The following ARVCF variants were observed in gnomAD, a reference collection of about 807,000 sequenced individuals.
ARVCF encodes splicing regulator ARVCF.
Under a neutral mutation model 90.9 loss-of-function variants are expected in ARVCF, and 66 were observed. That is an observed-to-expected ratio of 0.73 (90% CI 0.60 to 0.89). The LOEUF (loss-of-function observed/expected upper bound fraction) is 0.89. Ranked by LOEUF, ARVCF falls within the 40% of genes least tolerant of loss-of-function variation. ARVCF has a pLI of 0.00. For missense variants in ARVCF, 1,469 were observed against 1,382.3 expected (o/e 1.06, Z -1.00); for synonymous variants, 653 against 603.4 (o/e 1.08, Z -1.21).
At chr22:20,003,226 T>G (rs1471804303) in intron 2 of ARVCF, among the ~76,000 whole-genome samples, 5 of 152,088 alleles carry the variant, frequency 3.3e-5, no homozygotes, top group African/African-American at 4.8e-5. Context: ...CAAAACTGAA[T>G]CAGTAATCAA....
At position 19,970,619 on chromosome 22, in the gene ARVCF, C is replaced by T. The variant is rs956548148; in HGVS notation, c.*137G>A. 1.9e-5 allele frequency: 24 copies of T among 1,271,436 alleles called. No individual in the cohort carries two copies. In the African/African-American group the frequency reaches 3.5e-4, roughly 19 times the overall value. The allele number at this position is 1,271,436 out of a possible 1,614,324, so 78.8% of individuals were successfully genotyped here. On this transcript the variant is annotated 3_prime_UTR_variant, in exon 20 of 20. Transcript: ENST00000263207. The stretch of plus-strand genomic sequence containing the variant: ...GCAGGAGGGTGTCCCCAAAGTCAGG[C>T]TTGGCTGGGGCGAGGCGCTGCCAAC...
intron 7 of ARVCF, among the ~76,000 whole-genome samples, chr22:19,978,456 C>T (rs1275880194): frequency 6.6e-6 from 1 of 152,194 alleles, no homozygotes. Flanking sequence ...AGGTCAAGAG[C>T]CTGCAGGGCT....
At position 19,981,706 on chromosome 22, in the gene ARVCF, C is replaced by T. The variant is rs1413505607; in HGVS notation, c.401G>A (p.Arg134Gln). 8.2e-6 allele frequency: 13 copies of T among 1,584,020 alleles called. No homozygotes were observed. The highest frequency in any genetic ancestry group is 4.5e-5 in the East Asian group (2 of 44,588). The change falls in exon 5 of 20, where the codon CGG becomes CAG. Residue 134 changes from arginine (R) to glutamine (Q), a missense_variant. Coordinates refer to ENST00000263207, the MANE Select transcript of ARVCF (RefSeq NM_001670.3). The stretch of plus-strand genomic sequence containing the variant: ...GCCCACGGGCACCTGGCGTACTGTC[C>T]GAGTGGTCACCGTCTTGACAGTCTT... Reference protein sequence around the residue: ...VTKTVKTVTTRTVRQVPVGPD... With the variant: ...VTKTVKTVTTQTVRQVPVGPD...
At chr22:19,984,603 G>A (rs929673634) in intron 3 of ARVCF, among the ~76,000 whole-genome samples, 2 of 152,150 alleles carry the variant, frequency 1.3e-5, no homozygotes, top group Admixed American at 6.5e-5. Context: ...CTCAGACAGG[G>A]ACACATGCAT....
rs183982683 is a variant in ARVCF, at chr22:19,977,546, T to C, written c.1739A>G (p.Tyr580Cys). Residue 580 changes from tyrosine (Y) to cysteine (C), a missense_variant, in exon 9 of 20, where the codon TAC becomes TGC. Transcript: ENST00000263207. Reference sequence around the variant, plus strand: ...CCCGGGCACCTCCTTGTGCACGTGGTAGGACAGGTTCCGCATGATGCACAC... The same window carrying C: ...CCCGGGCACCTCCTTGTGCACGTGGCAGGACAGGTTCCGCATGATGCACAC... ...NCVCIMRNLS[Y>C]HVHKEVPGAD... 2 of 1,586,666 alleles carry C rather than the reference T, an allele frequency of 1.3e-6. No homozygotes were observed. The highest frequency in any genetic ancestry group is 2.3e-5 in the East Asian group (1 of 43,956).
chr22:19,979,880 G>A lies in ARVCF; in HGVS notation c.1259C>T (p.Ala420Val), dbSNP rs747221310. The A allele has an allele frequency of 4.3e-5, 69 of 1,606,552 alleles. No individual in the cohort carries two copies. The highest frequency in any genetic ancestry group is 5.8e-5 in the Non-Finnish European group (68 of 1,177,536). ...GGAGAGGTTGCGCAGTGCCCCACAG[G>A]CCCGGCGCCGCACCTCAGCCCGCGG... ...DHPRAEVRRRACGALRNLSYG... is the reference protein window; with the variant it reads ...DHPRAEVRRRVCGALRNLSYG... The change falls in exon 6 of 20, where the codon GCC becomes GTC. Residue 420 changes from alanine (A) to valine (V), a missense_variant. Transcript: ENST00000263207.
chr22:19,968,751 C>T (rs778861844), downstream of ARVCF: 13 of 1,604,920 alleles, frequency 8.1e-6, no homozygotes, highest in South Asian at 1.1e-5. Context: ...CCCCCCGGCC[C>T]CCCTCTCGGG....
At chr22:19,986,746 C>A in intron 3 of ARVCF, 1 of 314,018 alleles carries the variant, frequency 3.2e-6, no homozygotes, top group South Asian at 6.7e-5. Context: ...AGGCACCTGT[C>A]CTGGGCGCTG....
intron 2 of ARVCF, among the ~76,000 whole-genome samples, chr22:20,001,198 C>A (rs1251459493): frequency 6.6e-6 from 1 of 152,182 alleles, no homozygotes; most frequent in Admixed American, 6.5e-5. Flanking sequence ...CCCTCTGAGA[C>A]CCCTGAGGCC....
In ARVCF at chr22:19,978,016, A is replaced by ACCAG. The variant is rs1943260685; in HGVS notation, c.1636_1639dup (p.Val547AlafsTer19). On this transcript the variant is annotated frameshift_variant, in exon 8 of 20. Transcript: ENST00000263207. LOFTEE classifies it high-confidence loss of function. ...CTGCAGGGCATGCAGGAGCGCGTCCACCAGCCCTTCACACTCCCGGAGTCG... is the reference window on the plus strand; with the variant it reads ...CTGCAGGGCATGCAGGAGCGCGTCCACCAGCCAGCCCTTCACACTCCCGGAGTCG... 1 of 1,611,540 alleles carries ACCAG rather than the reference A, an allele frequency of 6.2e-7. No individual in the cohort carries two copies. The highest frequency in any genetic ancestry group is 1.7e-5 in the Admixed American group (1 of 59,882).
chr22:19,990,019 G>C (rs536048912), intron 3 of ARVCF, among the ~76,000 whole-genome samples: 1 of 152,324 alleles, frequency 6.6e-6, no homozygotes, highest in South Asian at 2.1e-4. Context: ...TGGGAATGGG[G>C]TGTCCCAGTG....
chr22:19,972,652 C>G, intron 16 of ARVCF, 85 bp downstream of exon 16: 2 of 1,416,496 alleles, frequency 1.4e-6, no homozygotes, highest in Non-Finnish European at 1.9e-6. Flanking sequence ...GGAGGCCTGA[C>G]TCCTCCTTCA....
At chr22:19,973,379 G>A in intron 13 of ARVCF, 62 bp from the exon 14 acceptor site, 1 of 1,514,702 alleles carries the variant, frequency 6.6e-7, no homozygotes, top group Non-Finnish European at 8.8e-7. Flanking sequence ...AAGGAGCAGG[G>A]ATCCCGCGAG....
At chr22:20,006,842 G>C (rs918912311) in intron 2 of ARVCF, among the ~76,000 whole-genome samples, 2 of 151,738 alleles carry the variant, frequency 1.3e-5, no homozygotes, top group Non-Finnish European at 2.9e-5. Context: ...ATGTTGACCA[G>C]GATGGTCTTG....
intron 3 of ARVCF, among the ~76,000 whole-genome samples, chr22:19,984,718 C>T (rs1943675176): frequency 6.6e-6 from 1 of 152,234 alleles, no homozygotes; most frequent in Non-Finnish European, 1.5e-5. Context: ...CCCAGAGGCA[C>T]ACTCGTGAGC....
rs375548184 is a variant in ARVCF, at chr22:19,978,852, G to T, written c.1580+45C>A. ...CACACTATCTGGGACCACGAGGACG[G>T]GGCCTGGTGTGCATGTGGGCTTTAG... On this transcript the variant is annotated intron_variant, in intron 7 of 19. Transcript: ENST00000263207. 1.4e-4 allele frequency: 223 copies of T among 1,575,100 alleles called. 1 individual carries two copies. The Admixed American group carries it at 1.6e-3, about 11-fold the overall frequency.
intron 3 of ARVCF, among the ~76,000 whole-genome samples, chr22:19,984,578 G>A (rs555693058): frequency 6.6e-6 from 1 of 152,268 alleles, no homozygotes; most frequent in South Asian, 2.1e-4. Flanking sequence ...ACACACACAT[G>A]CATATACATG....
chr22:19,975,778 G>T, intron 10 of ARVCF, 21 bp from the exon 11 acceptor site: 1 of 1,612,702 alleles, frequency 6.2e-7, no homozygotes, highest in Non-Finnish European at 8.5e-7. Flanking sequence ...AAGGTGGTGG[G>T]AGGTGAGGCA....
chr22:20,004,389 G>A (rs937248565), intron 2 of ARVCF, among the ~76,000 whole-genome samples: 1 of 151,816 alleles, frequency 6.6e-6, no homozygotes, highest in African/African-American at 2.4e-5. Flanking sequence ...GTCAGAGGCT[G>A]AGGCTAAAGA....
Sources: gnomAD v4.1 joint callset for allele counts (sites outside exome capture counted in the v4.1 genomes callset) on GRCh38, gnomAD v4.1.1 for gene constraint, MANE v1.5 for transcripts, NCBI Gene and HGNC (gene_info 2026-07-23, HGNC 2026-07-21) for gene names.